PARP16: variants seen among roughly 807,000 people sequenced by gnomAD.
The protein encoded by PARP16 is poly(ADP-ribose) polymerase family member 16, also known as protein mono-ADP-ribosyltransferase PARP16.
In PARP16, 31 loss-of-function variants were observed where a neutral mutation model predicts 35.0. The observed-to-expected ratio is 0.88, with a 90% CI of 0.66 to 1.19. PARP16 has a LOEUF of 1.19. Ranked by LOEUF, PARP16 falls within the 50% of genes most tolerant of loss-of-function variation. PARP16 has a pLI of 0.00. For missense variants in PARP16, 424 were observed against 411.2 expected (o/e 1.03, Z -0.27); for synonymous variants, 162 against 169.5 (o/e 0.96, Z 0.34).
intron 1 of PARP16, among the ~76,000 whole-genome samples, chr15:65,272,093 T>G (rs2090113178): frequency 6.6e-6 from 1 of 152,228 alleles, no homozygotes; most frequent in South Asian, 2.1e-4. Flanking sequence ...ACCCACCCCA[T>G]GTGGATCTCA....
chr15:65,263,026 C>A lies in PARP16; in HGVS notation c.691+123G>T, dbSNP rs1389902710. On this transcript the variant is annotated intron_variant, in intron 4 of 5. Coordinates refer to ENST00000649807, the MANE Select transcript of PARP16 (RefSeq NM_001316943.2). ...TCCTTGGGCAGGACCCTGTCCGGCA[C>A]TGCCCTGGATCCAGCCCAACCCTTG... 5.8e-6 allele frequency: 5 copies of A among 863,066 alleles called. No individual in the cohort carries two copies. The East Asian group carries it at 1.1e-4, about 18-fold the overall frequency. 53.5% of individuals were successfully genotyped at this position (863,066 alleles called of 1,614,324 possible). A position where few individuals can be genotyped will look rare whatever the true frequency, so the allele number is the denominator to read the frequency against.
chr15:65,253,156 AC>A (rs61467638), downstream of PARP16, among the ~76,000 whole-genome samples: 1 of 149,930 alleles, frequency 6.7e-6, no homozygotes, highest in African/African-American at 2.4e-5. Flanking sequence ...AACAAAACAA[AC>A]AAAAAAAACA....
Position 65,263,458 on chromosome 15 carries a change from G to GC in PARP16, c.520-139_520-138insG. 24 of 623,794 alleles carry GC rather than the reference G, an allele frequency of 3.8e-5. 1 individual carries two copies. The South Asian group carries it at 4.8e-4, about 13-fold the overall frequency. 38.6% of individuals were successfully genotyped at this position (623,794 alleles called of 1,614,324 possible). On this transcript the variant is annotated intron_variant, in intron 3 of 5. Coordinates refer to ENST00000649807, the MANE Select transcript of PARP16 (RefSeq NM_001316943.2). ...CGCTTTTTGCCCCAGCAAGACACAG[G>GC]ATCAAATAATCCTGTGATATCATCA...
chr15:65,263,698 T>C lies in PARP16; in HGVS notation c.520-378A>G, dbSNP rs145210357. On this transcript the variant is annotated intron_variant, in intron 3 of 5. Coordinates refer to ENST00000649807, the MANE Select transcript of PARP16 (RefSeq NM_001316943.2). ...AGTTTCTAGATCTACAAAATAATGT[T>C]ACTAGTAGCTCCTTTACAAGGTTGC... Among the ~76,000 whole-genome samples, 163 of 152,326 alleles carry C rather than the reference T, an allele frequency of 1.1e-3. 2 individuals carry two copies. Among genetic ancestry groups the C allele is most frequent in the East Asian group, 8.9e-3 (46 of 5,178 alleles).
At chr15:65,285,187 G>T (rs1260938282) in intron 1 of PARP16, among the ~76,000 whole-genome samples, 1 of 140,124 alleles carries the variant, frequency 7.1e-6, no homozygotes, top group Non-Finnish European at 1.6e-5. Flanking sequence ...GCCCAGGCTG[G>T]ACTGCAATGG....
intron 1 of PARP16, among the ~76,000 whole-genome samples, chr15:65,284,902 C>T (rs565078167): frequency 6.8e-6 from 1 of 146,198 alleles, no homozygotes; most frequent in South Asian, 2.2e-4. Flanking sequence ...ATTGCAGCCT[C>T]GACCTCTTGG....
downstream of PARP16, among the ~76,000 whole-genome samples, chr15:65,256,702 C>T (rs1159059484): frequency 8.5e-5 from 13 of 152,102 alleles, 1 homozygote; most frequent in African/African-American, 2.9e-4. Flanking sequence ...CCACCGCGCC[C>T]GGCCGCCCAC....
chr15:65,260,711 G>A lies in PARP16; in HGVS notation c.833+174C>T, dbSNP rs576172062. Among the ~76,000 whole-genome samples, 65 of 152,272 alleles carry A rather than the reference G, an allele frequency of 4.3e-4. 2 individuals carry two copies. In the South Asian group the frequency reaches 0.012, roughly 29 times the overall value. ...ACTGGAATACAGTCCTCTTAGGGTC[G>A]GGACCACATCTTCTCCAGATCCTAT... On this transcript the variant is annotated intron_variant, in intron 5 of 5. Transcript: ENST00000649807.
downstream of PARP16, among the ~76,000 whole-genome samples, chr15:65,257,014 T>C (rs767318691): frequency 4.6e-5 from 7 of 152,126 alleles, no homozygotes; most frequent in Admixed American, 1.3e-4. Context: ...TGGCACTGGC[T>C]GGACATAGCG....
chr15:65,242,778 G>C (rs1470639992), intron 3 of PARP16, among the ~76,000 whole-genome samples: 1 of 151,510 alleles, frequency 6.6e-6, no homozygotes, highest in East Asian at 2.0e-4. Context: ...GCAGTGGCAT[G>C]ATCTTGGCTC....
chr15:65,251,987 A>G (rs1253465167), intron 2 of PARP16, among the ~76,000 whole-genome samples: 1 of 152,016 alleles, frequency 6.6e-6, no homozygotes, highest in East Asian at 1.9e-4. Context: ...GATGGTCTCG[A>G]TCTCCTGACC....
At chr15:65,285,220 G>A (rs1360374423) in intron 1 of PARP16, among the ~76,000 whole-genome samples, 6 of 146,552 alleles carry the variant, frequency 4.1e-5, no homozygotes, top group African/African-American at 5.0e-5. Context: ...TCACCACAAC[G>A]TCCGCCTCCC....
chr15:65,252,307 G>A (rs1309601108), intron 2 of PARP16, among the ~76,000 whole-genome samples: 3 of 152,196 alleles, frequency 2.0e-5, no homozygotes, highest in Non-Finnish European at 4.4e-5. Context: ...AAAGGAAATC[G>A]ATGGCCAAAG....
chr15:65,253,622 G>A (rs1595999122), downstream of PARP16, among the ~76,000 whole-genome samples: 2 of 152,050 alleles, frequency 1.3e-5, no homozygotes, highest in African/African-American at 2.4e-5. Flanking sequence ...GAGCCACCGC[G>A]CCCGGCCTTC....
intron 3 of PARP16, among the ~76,000 whole-genome samples, chr15:65,247,110 C>T (rs967902395): frequency 5.3e-5 from 8 of 152,066 alleles, no homozygotes; most frequent in Non-Finnish European, 7.4e-5. Flanking sequence ...CCAGCCTTAG[C>T]CTCCTGAGTA....
intron 3 of PARP16, among the ~76,000 whole-genome samples, chr15:65,263,654 T>C (rs2089808006): frequency 6.6e-6 from 1 of 152,216 alleles, no homozygotes; most frequent in South Asian, 2.1e-4. Flanking sequence ...TGGCAAGTTA[T>C]ATAAACTCTC....
chr15:65,268,057 A>G (rs926623992), intron 2 of PARP16, among the ~76,000 whole-genome samples: 25 of 152,014 alleles, frequency 1.6e-4, no homozygotes, highest in African/African-American at 5.8e-4. Context: ...TTTATTGTAA[A>G]AATTCCCTCT....
downstream of PARP16, among the ~76,000 whole-genome samples, chr15:65,255,409 T>A (rs1276872644): frequency 1.3e-5 from 2 of 152,124 alleles, no homozygotes; most frequent in Non-Finnish European, 2.9e-5. Flanking sequence ...TTTATATCAA[T>A]GCAGTAATAA....
chr15:65,232,489 C>G (rs1025882025), downstream of PARP16, among the ~76,000 whole-genome samples: 1 of 152,304 alleles, frequency 6.6e-6, no homozygotes, highest in East Asian at 1.9e-4. Context: ...TAATACTGAA[C>G]TGTACACAAA....
Sources: gnomAD v4.1 joint callset for allele counts (sites outside exome capture counted in the v4.1 genomes callset) on GRCh38, gnomAD v4.1.1 for gene constraint, MANE v1.5 for transcripts, NCBI Gene and HGNC (gene_info 2026-07-23, HGNC 2026-07-21) for gene names.